The following GRM8 variants were observed in gnomAD, a reference collection of about 807,000 sequenced individuals.
GRM8 encodes the protein metabotropic glutamate receptor 8.
In GRM8, 47 loss-of-function variants were observed where a neutral mutation model predicts 87.2. The observed-to-expected ratio is 0.54, with a 90% CI of 0.43 to 0.69. The LOEUF is 0.69. Among genes scored for constraint, GRM8 ranks in the 30% least tolerant of loss-of-function variants. GRM8 has a pLI of 0.00. For missense variants in GRM8, 1,019 were observed against 1,139.2 expected, an observed-to-expected ratio of 0.89 and a Z score of 1.52; for synonymous variants, 396 against 404.5, an observed-to-expected ratio of 0.98 and a Z score of 0.25.
chr7:127,091,571 ACCCCATCCCACTCGTCATCC>A (rs1439484376), intron 3 of GRM8, among the ~76,000 whole-genome samples: 2 of 36,148 alleles, frequency 5.5e-5, no homozygotes, highest in African/African-American at 1.2e-4. Flanking sequence ...CTCATCATCC[ACCCCATCCCACTCGTCATCC>A]CCCCATCCCA....
intron 3 of GRM8, among the ~76,000 whole-genome samples, chr7:127,023,209 A>G (rs770794734): frequency 6.6e-6 from 1 of 152,116 alleles, no homozygotes; most frequent in South Asian, 2.1e-4. Context: ...GAAAATTTAA[A>G]CAATTATAAA....
At chr7:126,887,548 A>G (rs1800613573) in intron 6 of GRM8, among the ~76,000 whole-genome samples, 2 of 152,040 alleles carry the variant, frequency 1.3e-5, no homozygotes, top group African/African-American at 4.8e-5. Flanking sequence ...CTGCTTATTT[A>G]TATCAAATTA....
intron 7 of GRM8, among the ~76,000 whole-genome samples, chr7:126,747,633 A>T (rs1815848281): frequency 6.6e-6 from 1 of 152,028 alleles, no homozygotes; most frequent in Non-Finnish European, 1.5e-5. Flanking sequence ...CCTTATTCTC[A>T]TTACTAACAA....
intron 3 of GRM8, among the ~76,000 whole-genome samples, chr7:126,952,494 A>G (rs1808267945): frequency 6.6e-6 from 1 of 152,088 alleles, no homozygotes; most frequent in Non-Finnish European, 1.5e-5. Flanking sequence ...CAGGATTTGC[A>G]CAGTCTTAAA....
intron 2 of GRM8, among the ~76,000 whole-genome samples, chr7:127,180,568 T>C (rs1475904928): frequency 1.3e-5 from 2 of 151,998 alleles, no homozygotes; most frequent in Non-Finnish European, 2.9e-5. Context: ...CAGACCGATA[T>C]CCTTGAAGAA....
intron 9 of GRM8, among the ~76,000 whole-genome samples, chr7:126,500,750 G>A (rs1255917271): frequency 1.3e-5 from 2 of 152,036 alleles, no homozygotes; most frequent in Non-Finnish European, 1.5e-5. Flanking sequence ...CTCAGCTTCT[G>A]TTAGTCATCT....
intron 8 of GRM8, among the ~76,000 whole-genome samples, chr7:126,537,293 G>A (rs1343768961): frequency 6.6e-6 from 1 of 151,458 alleles, no homozygotes; most frequent in Non-Finnish European, 1.5e-5. Flanking sequence ...AAATATGCAT[G>A]ACTTAATTTT....
intron 3 of GRM8, among the ~76,000 whole-genome samples, chr7:126,925,117 G>A (rs1481231815): frequency 6.6e-6 from 1 of 152,094 alleles, no homozygotes; most frequent in Non-Finnish European, 1.5e-5. Context: ...TTATTATTAA[G>A]CATGAAAAAC....
At chr7:126,615,709 G>A (rs1221324999) in intron 7 of GRM8, among the ~76,000 whole-genome samples, 2 of 152,036 alleles carry the variant, frequency 1.3e-5, no homozygotes, top group African/African-American at 2.4e-5. Context: ...AACAAAAAAA[G>A]GCGGGGGTTG....
chr7:126,859,599 T>G (rs1797981468), intron 6 of GRM8, among the ~76,000 whole-genome samples: 2 of 152,230 alleles, frequency 1.3e-5, no homozygotes, highest in African/African-American at 4.8e-5. Flanking sequence ...CAGTGCATGC[T>G]AATATTTCAG....
At chr7:127,230,755 C>G (rs960354677) in intron 2 of GRM8, among the ~76,000 whole-genome samples, 1 of 152,048 alleles carries the variant, frequency 6.6e-6, no homozygotes, top group Admixed American at 6.6e-5. Flanking sequence ...AGGGAGAGGG[C>G]CTTCACCAAG....
At chr7:127,214,586 A>G (rs2012218) in intron 2 of GRM8, among the ~76,000 whole-genome samples, 1 of 152,198 alleles carries the variant, frequency 6.6e-6, no homozygotes, top group African/African-American at 2.4e-5. Context: ...AAGAGAAGCA[A>G]GTCACGTCTT....
intron 3 of GRM8, among the ~76,000 whole-genome samples, chr7:127,035,332 A>C (rs11563780): frequency 0.071 from 10,820 of 152,216 alleles, 531 homozygotes; most frequent in South Asian, 0.12. Context: ...GATTAGGTTG[A>C]TTCACTCAAG....
chr7:127,202,327 G>A (rs957778751), intron 2 of GRM8, among the ~76,000 whole-genome samples: 40 of 152,144 alleles, frequency 2.6e-4, no homozygotes, highest in Middle Eastern at 6.8e-3. Flanking sequence ...ACCTGCGTGT[G>A]CCACCACACC....
At chr7:126,753,171 G>A (rs1816616423) in intron 7 of GRM8, among the ~76,000 whole-genome samples, 1 of 151,890 alleles carries the variant, frequency 6.6e-6, no homozygotes, top group Non-Finnish European at 1.5e-5. Flanking sequence ...CCAATTCCTT[G>A]ACTATCTGTG....
intron 9 of GRM8, among the ~76,000 whole-genome samples, chr7:126,453,093 A>C (rs919821155): frequency 6.6e-6 from 1 of 150,454 alleles, no homozygotes; most frequent in African/African-American, 2.5e-5. Context: ...ACACACACAC[A>C]CACACACACA....
chr7:127,005,296 C>CA (rs758771104), intron 3 of GRM8, among the ~76,000 whole-genome samples: 12 of 150,412 alleles, frequency 8.0e-5, no homozygotes, highest in East Asian at 3.9e-4. Flanking sequence ...TAAACAACAA[C>CA]AAAAAAAATA....
At chr7:126,844,411 A>G (rs547488554) in intron 6 of GRM8, among the ~76,000 whole-genome samples, 1 of 152,300 alleles carries the variant, frequency 6.6e-6, no homozygotes, top group East Asian at 1.9e-4. Context: ...GCAATCGTAT[A>G]TAAATATGGA....
intron 3 of GRM8, among the ~76,000 whole-genome samples, chr7:126,953,971 T>A (rs938017287): frequency 6.6e-6 from 1 of 152,146 alleles, no homozygotes; most frequent in Non-Finnish European, 1.5e-5. Flanking sequence ...TAGAAGATAT[T>A]TAATATACAC....
Sources: gnomAD v4.1 joint callset for allele counts (sites outside exome capture counted in the v4.1 genomes callset) on GRCh38, gnomAD v4.1.1 for gene constraint, MANE v1.5 for transcripts, NCBI Gene and HGNC (gene_info 2026-07-23, HGNC 2026-07-21) for gene names.